Variants in CCDC141 observed in about 807,000 individuals in gnomAD.
The protein encoded by CCDC141 is coiled-coil domain containing 141.
Under a neutral mutation model 181.0 loss-of-function variants are expected in CCDC141, and 168 were observed. That is an observed-to-expected ratio of 0.93 (90% CI 0.82 to 1.05). CCDC141 has a LOEUF of 1.05. Among genes scored for constraint, CCDC141 ranks in the 50% least tolerant of loss-of-function variants. CCDC141 has a pLI of 0.00. For synonymous variants in CCDC141, 666 were observed against 642.3 expected, an observed-to-expected ratio of 1.04 and a Z score of -0.56; for missense variants, 1,902 against 1,788.5, an observed-to-expected ratio of 1.06 and a Z score of -1.14.
rs1680009621 is a variant in CCDC141 at position 178,833,763 on chromosome 2, T to C, written c.*410A>G. On this transcript the variant is annotated 3_prime_UTR_variant, in exon 24 of 24. Coordinates refer to ENST00000443758, the MANE Select transcript of CCDC141 (RefSeq NM_173648.4). ...AACATCAATTCAATAGTTCTACTGA[T>C]ATTCCCTACAAAGGGATGTTTTAAA... 6.1e-6 allele frequency: 1 copy of C among 163,246 alleles called. No homozygotes were observed. Among genetic ancestry groups the C allele is most frequent in the African/African-American group, 2.4e-5 (1 of 41,612 alleles). 10.1% of individuals were successfully genotyped at this position (163,246 alleles called of 1,614,324 possible).
intron 2 of CCDC141, among the ~76,000 whole-genome samples, chr2:179,003,197 T>G (rs1057163440): frequency 6.6e-6 from 1 of 152,228 alleles, no homozygotes; most frequent in Non-Finnish European, 1.5e-5. Context: ...TTATCTTTCA[T>G]GTATAAAGAT....
intron 2 of CCDC141, among the ~76,000 whole-genome samples, chr2:178,988,726 C>T (rs899553385): frequency 6.6e-5 from 10 of 152,012 alleles, no homozygotes; most frequent in Non-Finnish European, 8.8e-5. Flanking sequence ...AGAACAAATT[C>T]GGAGGACTCA....
At chr2:178,954,971 A>G (rs985426200) in intron 5 of CCDC141, among the ~76,000 whole-genome samples, 1 of 152,100 alleles carries the variant, frequency 6.6e-6, no homozygotes, top group Non-Finnish European at 1.5e-5. Flanking sequence ...TCACCACTGT[A>G]CCATCAACAA....
At chr2:178,877,662 A>T (rs1028705035) in intron 12 of CCDC141, 2 of 400,730 alleles carry the variant, frequency 5.0e-6, no homozygotes, top group African/African-American at 4.2e-5. Context: ...TGCTTTCAAA[A>T]TAACACAGAA....
At chr2:178,854,489 A>G (rs535501680) in intron 19 of CCDC141, among the ~76,000 whole-genome samples, 2 of 152,288 alleles carry the variant, frequency 1.3e-5, no homozygotes, top group East Asian at 3.9e-4. Flanking sequence ...ACGTCACTGC[A>G]CTCCAGCCTG....
intron 2 of CCDC141, among the ~76,000 whole-genome samples, chr2:179,004,636 C>T (rs2042073107): frequency 6.6e-6 from 1 of 152,202 alleles, no homozygotes; most frequent in Admixed American, 6.5e-5. Context: ...TGAATGACAT[C>T]TGGATATTGA....
chr2:178,928,635 G>T (rs1444085063), intron 6 of CCDC141, among the ~76,000 whole-genome samples: 1 of 152,176 alleles, frequency 6.6e-6, no homozygotes, highest in Non-Finnish European at 1.5e-5. Flanking sequence ...AACTTAACGA[G>T]CTGGTAAAGA....
chr2:178,865,183 T>C (rs926867348), intron 17 of CCDC141, among the ~76,000 whole-genome samples: 5 of 152,228 alleles, frequency 3.3e-5, no homozygotes, highest in African/African-American at 4.8e-5. Context: ...CTGTTATTTC[T>C]TTTTTCTTGA....
intron 6 of CCDC141, among the ~76,000 whole-genome samples, chr2:178,938,809 T>C (rs1689393198): frequency 6.6e-6 from 1 of 152,116 alleles, no homozygotes; most frequent in South Asian, 2.1e-4. Flanking sequence ...AGGTATGTCA[T>C]TCATTATGTA....
rs1431663094 is a variant in CCDC141 at position 178,981,564 on chromosome 2, T to C, written c.226-2889A>G. On this transcript the variant is annotated intron_variant, in intron 2 of 23. Coordinates refer to ENST00000443758, the MANE Select transcript of CCDC141 (RefSeq NM_173648.4). ...ACTAAATGAGAAAATGAAAATATGA[T>C]GTATCAAAATTTTTAAGATGCCACA... Among the ~76,000 whole-genome samples the C allele has an allele frequency of 4.0e-5, 6 of 148,880 alleles. 1 individual carries two copies. Among genetic ancestry groups the C allele is most frequent in the Admixed American group, 2.0e-4 (3 of 14,824 alleles).
intron 11 of CCDC141, among the ~76,000 whole-genome samples, chr2:178,882,038 A>AG (rs2154370189): frequency 6.6e-6 from 1 of 152,204 alleles, no homozygotes; most frequent in Admixed American, 6.5e-5. Context: ...ACATCACTGT[A>AG]GAACAAAGGA....
intron 10 of CCDC141, among the ~76,000 whole-genome samples, chr2:178,886,370 G>T (rs1056746891): frequency 3.3e-5 from 5 of 152,146 alleles, no homozygotes; most frequent in Admixed American, 1.3e-4. Flanking sequence ...TTGCAATAAC[G>T]CACGTTGCTT....
intron 5 of CCDC141, among the ~76,000 whole-genome samples, chr2:178,960,115 C>G (rs1485800884): frequency 6.6e-6 from 1 of 152,114 alleles, no homozygotes; most frequent in African/African-American, 2.4e-5. Flanking sequence ...GTGTGCCAGA[C>G]AGGACAGCCT....
intron 17 of CCDC141, among the ~76,000 whole-genome samples, chr2:178,861,523 C>T (rs1685619383): frequency 6.6e-6 from 1 of 151,494 alleles, no homozygotes; most frequent in African/African-American, 2.4e-5. Flanking sequence ...GTAATCACAA[C>T]TACTCGGGAG....
intron 2 of CCDC141, among the ~76,000 whole-genome samples, chr2:179,001,295 G>C (rs188579698): frequency 1.3e-5 from 2 of 152,296 alleles, no homozygotes; most frequent in East Asian, 3.9e-4. Flanking sequence ...GACATGAGAA[G>C]CACAATTTGA....
intron 12 of CCDC141, 51 bp from the exon 13 acceptor site, chr2:178,872,363 C>A: frequency 6.7e-7 from 1 of 1,496,064 alleles, no homozygotes; most frequent in Non-Finnish European, 9.1e-7. Flanking sequence ...AGAGATACAG[C>A]TTTTTGTTGT....
intron 2 of CCDC141, among the ~76,000 whole-genome samples, chr2:179,044,928 T>C (rs983307994): frequency 3.3e-5 from 5 of 152,208 alleles, no homozygotes; most frequent in African/African-American, 9.7e-5. Flanking sequence ...ATAGGTGTTT[T>C]TATTCCTGGC....
At chr2:178,963,501 A>G (rs1207227540) in intron 4 of CCDC141, among the ~76,000 whole-genome samples, 1 of 152,136 alleles carries the variant, frequency 6.6e-6, no homozygotes, top group Non-Finnish European at 1.5e-5. Context: ...ATAAAAATGG[A>G]CTGAACTGGT....
chr2:178,882,229 G>T (rs1229372790), intron 11 of CCDC141, among the ~76,000 whole-genome samples: 1 of 151,922 alleles, frequency 6.6e-6, no homozygotes, highest in Non-Finnish European at 1.5e-5. Flanking sequence ...AAATTAGCCG[G>T]GTATGGTGGT....
Sources: gnomAD v4.1 joint callset for allele counts (sites outside exome capture counted in the v4.1 genomes callset) on GRCh38, gnomAD v4.1.1 for gene constraint, MANE v1.5 for transcripts, NCBI Gene and HGNC (gene_info 2026-07-23, HGNC 2026-07-21) for gene names.